Variants in PDE8B observed in about 807,000 individuals in gnomAD.
PDE8B encodes phosphodiesterase 8B.
Under a neutral mutation model 101.3 loss-of-function variants are expected in PDE8B, and 26 were observed. The ratio of observed to expected loss-of-function variants is 0.26; its 90% confidence interval spans 0.19 to 0.36. The LOEUF is 0.36. Ranked by LOEUF, PDE8B falls within the 10% of genes least tolerant of loss-of-function variation. PDE8B has a pLI of 1.00. For synonymous variants in PDE8B, 424 were observed against 429.3 expected (o/e 0.99, Z 0.15); for missense variants, 810 against 1,163.1 (o/e 0.70, Z 4.42).
the PDE8B span, chr5:77,180,456 C>G: frequency 1.0e-6 from 1 of 985,392 alleles, no homozygotes; most frequent in South Asian, 4.7e-5. Flanking sequence ...CCGGCATGGA[C>G]CAGCTGTACT....
chr5:77,352,146 C>T (rs1581192886), intron 9 of PDE8B, among the ~76,000 whole-genome samples: 1 of 152,196 alleles, frequency 6.6e-6, no homozygotes, highest in African/African-American at 2.4e-5. Context: ...CACTGACAGG[C>T]CCCTGACCGA....
At chr5:77,202,463 A>C in the PDE8B span, among the ~76,000 whole-genome samples, 1 of 152,190 alleles carries the variant, frequency 6.6e-6, no homozygotes, top group Non-Finnish European at 1.5e-5. Context: ...ATTTTCACTT[A>C]ATGAATAGTA....
At chr5:77,144,335 A>G in the PDE8B span, 2 of 151,392 alleles carry the variant, frequency 1.3e-5, no homozygotes, top group African/African-American at 4.9e-5. Context: ...CCTGAAGAAG[A>G]TAAGTTGCAG....
At chr5:77,262,884 G>C (rs1375163674) in intron 1 of PDE8B, among the ~76,000 whole-genome samples, 1 of 152,194 alleles carries the variant, frequency 6.6e-6, no homozygotes, top group Non-Finnish European at 1.5e-5. Flanking sequence ...CTCTCAACTG[G>C]TTTCACAAGG....
At chr5:77,146,817 C>T in the PDE8B span, 2 of 354,730 alleles carry the variant, frequency 5.6e-6, no homozygotes, top group South Asian at 5.6e-5. Flanking sequence ...TAAAGATCCC[C>T]TTTAGGACGA....
intron 5 of PDE8B, among the ~76,000 whole-genome samples, chr5:77,335,993 T>G (rs188165664): frequency 6.6e-6 from 1 of 152,292 alleles, no homozygotes; most frequent in Non-Finnish European, 1.5e-5. Context: ...ATATAAGAAA[T>G]GTAAACCAAA....
intron 1 of PDE8B, chr5:77,291,041 G>A: frequency 6.2e-7 from 1 of 1,611,902 alleles, no homozygotes; most frequent in Non-Finnish European, 8.5e-7. Flanking sequence ...CCCTGATGGT[G>A]CAGGAGAGGT....
chr5:77,354,427 G>A (rs548432106), intron 10 of PDE8B, among the ~76,000 whole-genome samples: 1 of 152,310 alleles, frequency 6.6e-6, no homozygotes, highest in South Asian at 2.1e-4. Flanking sequence ...CATGCAAGAG[G>A]CAAGTCCTTG....
At chr5:77,421,719 T>TA (rs1796686768) in intron 19 of PDE8B, 102 bp from the exon 20 acceptor site, 1 of 1,084,602 alleles carries the variant, frequency 9.2e-7, no homozygotes, top group South Asian at 1.3e-5. Context: ...GTCCCAGTCC[T>TA]ACCTGTGTGC....
At chr5:77,360,944 ATTGT>A (rs1782988479) in intron 10 of PDE8B, among the ~76,000 whole-genome samples, 4 of 152,182 alleles carry the variant, frequency 2.6e-5, no homozygotes, top group African/African-American at 9.7e-5. Flanking sequence ...GTGAGAACTG[ATTGT>A]TTAATTTTCT....
At chr5:77,242,650 T>A (rs1163039118) in intron 1 of PDE8B, among the ~76,000 whole-genome samples, 1 of 152,160 alleles carries the variant, frequency 6.6e-6, no homozygotes, top group Non-Finnish European at 1.5e-5. Flanking sequence ...TCAGTCAAAT[T>A]TCTTTTTCTT....
At chr5:77,291,357 G>A (rs1221948048) in intron 1 of PDE8B, 6 of 1,612,046 alleles carry the variant, frequency 3.7e-6, no homozygotes, top group African/African-American at 1.3e-5. Context: ...AAAGAAAGAA[G>A]GTAGCACAGT....
intron 10 of PDE8B, among the ~76,000 whole-genome samples, chr5:77,381,709 G>A (rs1339484536): frequency 6.6e-6 from 1 of 152,064 alleles, no homozygotes; most frequent in Non-Finnish European, 1.5e-5. Flanking sequence ...CAAGAGATAG[G>A]TTTATGTCGC....
rs527558306 is a variant in PDE8B, at chr5:77,312,057, C to T, written c.399+4C>T. On this transcript the variant is annotated splice_donor_region_variant and intron_variant, in intron 2 of 21. Transcript: ENST00000264917. ...ACTGACGCAGGACCCTATTCAGGTACGCCTCCTTTACTCAGCCCTGTGACT... is the reference window on the plus strand; with the variant it reads ...ACTGACGCAGGACCCTATTCAGGTATGCCTCCTTTACTCAGCCCTGTGACT... 1.9e-5 allele frequency: 30 copies of T among 1,601,310 alleles called. No homozygotes were observed. Among genetic ancestry groups the T allele is most frequent in the East Asian group, 1.6e-4 (7 of 44,800 alleles).
intron 1 of PDE8B, among the ~76,000 whole-genome samples, chr5:77,225,734 C>G (rs903646844): frequency 6.6e-6 from 1 of 151,970 alleles, no homozygotes; most frequent in African/African-American, 2.4e-5. Flanking sequence ...GGACTACAAG[C>G]CTTTTCTTCA....
intron 10 of PDE8B, among the ~76,000 whole-genome samples, chr5:77,364,260 T>C (rs1315264988): frequency 6.6e-6 from 1 of 152,222 alleles, no homozygotes; most frequent in Non-Finnish European, 1.5e-5. Context: ...TACCACACTT[T>C]GGAGGTATGC....
At position 77,234,008 on chromosome 5, in the gene PDE8B, G is replaced by A. The variant is rs78393801; in HGVS notation, c.339+22744G>A. Among the ~76,000 whole-genome samples the A allele has an allele frequency of 3.9e-3, 587 of 152,094 alleles. 2 individuals are homozygous for A. Among genetic ancestry groups the A allele is most frequent in the African/African-American group, 0.013 (547 of 41,462 alleles). On this transcript the variant is annotated intron_variant, in intron 1 of 21. Transcript: ENST00000264917. ...GCACCTATTATGGATAAAAGAAGGC[G>A]CCTAGAGGTAACTTTAAGGGGCTGA... is the stretch of plus-strand genomic sequence containing the variant.
the PDE8B span, among the ~76,000 whole-genome samples, chr5:77,110,184 G>A: frequency 6.6e-6 from 1 of 152,000 alleles, no homozygotes; most frequent in African/African-American, 2.4e-5. Context: ...CTGACCTCAA[G>A]TAATCTGCCT....
At chr5:77,225,812 T>C (rs1752217711) in intron 1 of PDE8B, among the ~76,000 whole-genome samples, 1 of 151,668 alleles carries the variant, frequency 6.6e-6, no homozygotes, top group Admixed American at 6.6e-5. Flanking sequence ...AACATCATCA[T>C]GATAATTCCT....
Sources: gnomAD v4.1 joint callset for allele counts (sites outside exome capture counted in the v4.1 genomes callset) on GRCh38, gnomAD v4.1.1 for gene constraint, MANE v1.5 for transcripts, NCBI Gene and HGNC (gene_info 2026-07-23, HGNC 2026-07-21) for gene names.